PDS5A: variants seen among roughly 807,000 people sequenced by gnomAD.
PDS5A encodes the protein sister chromatid cohesion protein PDS5 homolog A.
In PDS5A, 42 loss-of-function variants were observed where a neutral mutation model predicts 167.1. The ratio of observed to expected loss-of-function variants is 0.25; its 90% CI spans 0.20 to 0.33. The LOEUF (loss-of-function observed/expected upper bound fraction) is 0.33. PDS5A is among the 10% of genes least tolerant of loss of function. The probability of loss-of-function intolerance (pLI) is 1.00; values close to 1 mark genes in which losing one functional copy is unlikely to be tolerated. For synonymous variants in PDS5A, 553 were observed against 554.6 expected, an observed-to-expected ratio of 1.00 and a Z score of 0.04; for missense variants, 1,033 against 1,605.9, an observed-to-expected ratio of 0.64 and a Z score of 6.10.
chr4:39,918,322 C>CA, intron 7 of PDS5A, among the ~76,000 whole-genome samples: 1 of 148,770 alleles, frequency 6.7e-6, no homozygotes, highest in South Asian at 2.2e-4. Flanking sequence ...ACTCGCATGA[C>CA]AAAAAGAACA....
In PDS5A at chr4:39,838,180, C is replaced by T. The variant is rs776990981; in HGVS notation, c.3686G>A (p.Gly1229Asp). ...CTTTCCTCGGTCACTGCTGATGTTG[C>T]CCTGGGTAGCCTGATCAGAATTAAT... is the stretch of plus-strand genomic sequence containing the variant. ...KEINSDQATQGNISSDRGKKR... is the reference protein window; with the variant it reads ...KEINSDQATQDNISSDRGKKR... The change falls in exon 32 of 33, where the codon GGC becomes GAC. Residue 1229 changes from glycine to aspartate, a missense_variant. Around this residue, in one of 4 missense-constraint regions of PDS5A, gnomAD observed 233 missense variants for 264.0 expected, o/e 0.88. Coordinates refer to ENST00000303538, the MANE Select transcript of PDS5A (RefSeq NM_001100399.2). 40 of 1,591,110 alleles carry T rather than the reference C, an allele frequency of 2.5e-5. No homozygotes were observed. In the African/African-American group the frequency reaches 3.9e-4, roughly 16 times the overall value.
chr4:39,937,346 ATAATT>A (rs143423339), intron 2 of PDS5A, among the ~76,000 whole-genome samples: 33,467 of 151,976 alleles, frequency 0.22, 4,585 homozygotes, highest in Middle Eastern at 0.33. Context: ...TATATGTCAT[ATAATT>A]TAAATATGTC....
chr4:39,898,612 A>G (rs566635323), intron 15 of PDS5A, 84 bp from the exon 16 acceptor site: 2 of 1,003,766 alleles, frequency 2.0e-6, no homozygotes, highest in African/African-American at 3.3e-5. Context: ...CCATCAAAAT[A>G]TTGCGGAGCC....
intron 17 of PDS5A, among the ~76,000 whole-genome samples, chr4:39,884,992 G>A (rs1051686724): frequency 3.9e-5 from 6 of 152,166 alleles, no homozygotes; most frequent in African/African-American, 1.4e-4. Flanking sequence ...GCCAGGTGCA[G>A]TGGCTCATGC....
At position 39,862,285 on chromosome 4, in the gene PDS5A, T is replaced by C; in HGVS notation, c.3020A>G (p.His1007Arg). The C allele has an allele frequency of 1.3e-6, 2 of 1,541,208 alleles. No individual in the cohort carries two copies. The highest frequency in any genetic ancestry group is 1.8e-6 in the Non-Finnish European group (2 of 1,136,818). Residue 1007 changes from histidine (H) to arginine (R), a missense_variant, in exon 26 of 33, where the codon CAC becomes CGC. His to Arg is a conservative substitution (Grantham distance 29). Around this residue, in one of 4 missense-constraint regions of PDS5A, gnomAD observed 367 missense variants for 686.7 expected, o/e 0.53. Coordinates refer to ENST00000303538, the MANE Select transcript of PDS5A (RefSeq NM_001100399.2). ...LPEYVVPYMI[H>R]LLAHDPDFTR... ...AAAATCTGGATCATGGGCTAGCAGG[T>C]GAATCATGTATGGAACTACATATTC...
intron 2 of PDS5A, among the ~76,000 whole-genome samples, chr4:39,956,917 C>T (rs1281690292): frequency 6.6e-6 from 1 of 152,178 alleles, no homozygotes; most frequent in Non-Finnish European, 1.5e-5. Context: ...AGTGATCTGC[C>T]TTGCCTCAGC....
rs190578720 is a variant in PDS5A at position 39,825,373 on chromosome 4, G to T, written c.*112C>A. The stretch of plus-strand genomic sequence containing the variant: ...TTAGTTTTCAAGGCAGAGAGTGTGT[G>T]TTCTGAAGTGAGCTTCATTTTCTGT... On this transcript the variant is annotated 3_prime_UTR_variant, in exon 33 of 33. Coordinates refer to ENST00000303538, the MANE Select transcript of PDS5A (RefSeq NM_001100399.2). 3.4e-5 allele frequency: 28 copies of T among 818,012 alleles called. No homozygotes were observed. In the East Asian group the frequency reaches 7.3e-4, roughly 21 times the overall value. 50.7% of individuals were successfully genotyped at this position (818,012 alleles called of 1,614,324 possible).
chr4:39,943,994 A>G (rs1727493004), intron 2 of PDS5A, among the ~76,000 whole-genome samples: 1 of 151,622 alleles, frequency 6.6e-6, no homozygotes, highest in Non-Finnish European at 1.5e-5. Context: ...TGGCTAACAC[A>G]GTGAAACCCC....
chr4:39,928,894 A>G (rs1725708626), intron 2 of PDS5A, among the ~76,000 whole-genome samples: 1 of 152,142 alleles, frequency 6.6e-6, no homozygotes, highest in Non-Finnish European at 1.5e-5. Flanking sequence ...ACATTTAATT[A>G]ACCTGCTTTT....
chr4:39,932,373 T>C (rs935262296), intron 2 of PDS5A: 1 of 155,958 alleles, frequency 6.4e-6, no homozygotes, highest in African/African-American at 2.4e-5. Context: ...GGAAGAGAAC[T>C]AAGGTGGCCT....
At chr4:39,849,438 C>CAA (rs33909953) in intron 27 of PDS5A, 82 bp downstream of exon 27, 100,322 of 474,848 alleles carry the variant, frequency 0.21, 5,581 homozygotes, top group Admixed American at 0.22. Flanking sequence ...TACGTATGGC[C>CAA]AAAAAAAAAA....
chr4:39,952,930 T>C (rs1298391805), intron 2 of PDS5A, among the ~76,000 whole-genome samples: 1 of 152,098 alleles, frequency 6.6e-6, no homozygotes, highest in African/African-American at 2.4e-5. Context: ...GGTTTTGCCA[T>C]GTTGGCTAGG....
At chr4:39,973,722 G>C (rs545896690) in intron 2 of PDS5A, 2 of 1,283,406 alleles carry the variant, frequency 1.6e-6, no homozygotes, top group African/African-American at 2.9e-5. Context: ...TCACTAACCA[G>C]CATATGCAGA....
At position 39,902,344 on chromosome 4, in the gene PDS5A, T is replaced by C. The variant is rs1722952225; in HGVS notation, c.1499+3A>G. The C allele has an allele frequency of 7.6e-7, 1 of 1,315,250 alleles. No individual in the cohort carries two copies. Among genetic ancestry groups the C allele is most frequent in the Non-Finnish European group, 1.1e-6 (1 of 927,486 alleles). The allele number at this position is 1,315,250 out of a possible 1,614,324, so 81.5% of individuals were successfully genotyped here. A position where few individuals can be genotyped will look rare whatever the true frequency, so the allele number is the denominator to read the frequency against. Reference sequence around the variant, plus strand: ...TACAGCAGTTATTTGAAAAGTAACTTACTTTACAGCATTTGGATCCAAACT... The same window carrying C: ...TACAGCAGTTATTTGAAAAGTAACTCACTTTACAGCATTTGGATCCAAACT... On this transcript the variant is annotated splice_donor_region_variant and intron_variant, in intron 13 of 32. Transcript: ENST00000303538.
intron 17 of PDS5A, among the ~76,000 whole-genome samples, chr4:39,889,159 AAT>A (rs1323920941): frequency 6.6e-6 from 1 of 152,240 alleles, no homozygotes; most frequent in Admixed American, 6.5e-5. Context: ...GGCCTAATCC[AAT>A]ATGACTATTG....
rs1553892690 is a variant in PDS5A, at chr4:39,867,772, A to ACCC, written c.2506-776_2506-775insGGG. Among the ~76,000 whole-genome samples the ACCC allele has an allele frequency of 1.2e-4, 11 of 90,662 alleles. 1 individual carries two copies. In the South Asian group the frequency reaches 1.9e-3, roughly 16 times the overall value. 59.5% of individuals were successfully genotyped at this position (90,662 alleles called of 152,430 possible). On this transcript the variant is annotated intron_variant, in intron 22 of 32. Transcript: ENST00000303538. ...CACACACACACACACACACACACAC[A>ACCC]CACCCCACAACTGTACTGATTGTGG...
In PDS5A at chr4:39,844,811, AAAAC is replaced by A. The variant is rs771494086; in HGVS notation, c.3403-14_3403-11del. 1.3e-6 allele frequency: 2 copies of A among 1,589,520 alleles called. No homozygotes were observed. The highest frequency in any genetic ancestry group is 1.9e-5 in the Admixed American group (1 of 51,578). ...CTCCAGCAGGCTTTGGCTAAAAACAAAAACAAAAAACCCCCCAAAAACACACACG... is the reference window on the plus strand; with the variant it reads ...CTCCAGCAGGCTTTGGCTAAAAACAAAAAAAACCCCCCAAAAACACACACG... On this transcript the variant is annotated splice_polypyrimidine_tract_variant and intron_variant, in intron 29 of 32. Coordinates refer to ENST00000303538, the MANE Select transcript of PDS5A (RefSeq NM_001100399.2).
intron 2 of PDS5A, among the ~76,000 whole-genome samples, chr4:39,949,821 G>GAAAAAAAAAAAAAAAAAA (rs59869303): frequency 1.2e-4 from 8 of 67,198 alleles, no homozygotes; most frequent in Non-Finnish European, 1.9e-4. Flanking sequence ...CTCTGTCTCA[G>GAAAAAAAAAAAAAAAAAA]AAAAAAAAAA....
At chr4:39,858,034 A>G (rs142264237) in intron 26 of PDS5A, among the ~76,000 whole-genome samples, 1 of 152,144 alleles carries the variant, frequency 6.6e-6, no homozygotes, top group African/African-American at 2.4e-5. Context: ...AGAAAACTAC[A>G]GAACAGTGCT....
Sources: allele counts gnomAD v4.1 joint callset (sites outside exome capture counted in the v4.1 genomes callset), GRCh38; gene constraint gnomAD v4.1.1; regional missense constraint gnomAD v4.1.1; transcripts MANE v1.5; gene names NCBI Gene and HGNC (gene_info 2026-07-23, HGNC 2026-07-21).